SLC4A3: variants seen among roughly 807,000 people sequenced by gnomAD.
SLC4A3 encodes the protein solute carrier family 4 member 3.
In SLC4A3, 47 loss-of-function variants were observed where a neutral mutation model predicts 114.2. That is an observed-to-expected ratio of 0.41 (90% CI 0.33 to 0.52). The LOEUF is 0.52. Among genes scored for constraint, SLC4A3 ranks in the 20% least tolerant of loss-of-function variants. The pLI is 0.21. For missense variants in SLC4A3, 1,312 were observed against 1,668.3 expected (o/e 0.79, Z 3.72); for synonymous variants, 693 against 710.3 (o/e 0.98, Z 0.39).
chr2:219,634,694 G>A, intron 12 of SLC4A3, 90 bp downstream of exon 12: 2 of 1,360,946 alleles, frequency 1.5e-6, no homozygotes, highest in South Asian at 1.4e-5. Flanking sequence ...ATAGAGGCAA[G>A]GGTGCTAGAG....
In SLC4A3 at chr2:219,638,035, T is replaced by C; in HGVS notation, c.2767-129T>C. On this transcript the variant is annotated intron_variant, in intron 17 of 22. Coordinates refer to ENST00000358055, the MANE Select transcript of SLC4A3 (RefSeq NM_005070.4). This position sits in a 1 kb window ranked among gnomAD's most constrained non-coding sequence, Gnocchi z 7.5. The stretch of plus-strand genomic sequence containing the variant: ...CCAGGCTGCGCTGGCACCTGTGGGG[T>C]TGAGAGGCACGTGGGGGGCCTTCTG... 1 of 790,496 alleles carries C rather than the reference T, an allele frequency of 1.3e-6. No homozygotes were observed. The allele number at this position is 790,496 out of a possible 1,614,324, so 49.0% of individuals were successfully genotyped here. A position where few individuals can be genotyped will look rare whatever the true frequency, so the allele number is the denominator to read the frequency against.
rs1698883953 is a variant in SLC4A3, at chr2:219,630,589, C to T, written c.811+237C>T. On this transcript the variant is annotated intron_variant, in intron 6 of 22. Transcript: ENST00000358055. This position sits in a 1 kb window ranked among gnomAD's most constrained non-coding sequence, Gnocchi z 6.9. The stretch of plus-strand genomic sequence containing the variant: ...CACGCCTCAGTCCTGATTCTGTCCT[C>T]TGAGTCACCCCTAGAAAAAGGCAGC... Among the ~76,000 whole-genome samples the T allele has an allele frequency of 6.6e-6, 1 of 152,178 alleles. No homozygotes were observed. The highest frequency in any genetic ancestry group is 1.5e-5 in the Non-Finnish European group (1 of 68,030).
rs956070782 is a variant in SLC4A3, at chr2:219,630,767, C to G, written c.811+415C>G. On this transcript the variant is annotated intron_variant, in intron 6 of 22. Coordinates refer to ENST00000358055, the MANE Select transcript of SLC4A3 (RefSeq NM_005070.4). This position sits in a 1 kb window ranked among gnomAD's most constrained non-coding sequence, Gnocchi z 6.9. ...CTGTGTCAGGACCCTTCACTCCCAT[C>G]CCACTACCCTTGGGGGGGGCCTGGC... Among the ~76,000 whole-genome samples the G allele has an allele frequency of 1.3e-5, 2 of 152,156 alleles. No individual in the cohort carries two copies. The highest frequency in any genetic ancestry group is 1.9e-4 in the East Asian group (1 of 5,176).
Position 219,638,922 on chromosome 2 carries a change from C to T in SLC4A3, c.3023+53C>T. On this transcript the variant is annotated intron_variant, in intron 19 of 22. Transcript: ENST00000358055. The surrounding 1 kb of genome is among the most constrained non-coding windows in gnomAD (Gnocchi z 7.5). ...AGGGACGAGGCCAAGCTCCTTGGCTCCTTGGCTTGGTTTCAGGGTTATAGC... is the reference window on the plus strand; with the variant it reads ...AGGGACGAGGCCAAGCTCCTTGGCTTCTTGGCTTGGTTTCAGGGTTATAGC... 6.3e-7 allele frequency: 1 copy of T among 1,585,926 alleles called. No homozygotes were observed.
chr2:219,640,812 G>A lies in SLC4A3; in HGVS notation c.3471G>A (p.Leu1157=), dbSNP rs1490052485. The A allele has an allele frequency of 1.2e-6, 2 of 1,612,222 alleles. No homozygotes were observed. The highest frequency in any genetic ancestry group is 2.2e-5 in the South Asian group (2 of 91,024). ...AGGTGAAGACGTGGCGGATGCATCT[G>A]TTCACCTGCATCCAGCTGGGCTGCA... ...VTKVKTWRMH[L]FTCIQLGCIA... is the part of the protein sequence containing the mutation. Residue 1157 remains leucine, a synonymous_variant, in exon 22 of 23, where the codon CTG becomes CTA. Coordinates refer to ENST00000358055, the MANE Select transcript of SLC4A3 (RefSeq NM_005070.4).
At position 219,640,603 on chromosome 2, in the gene SLC4A3, G is replaced by T; in HGVS notation, c.3447+4G>T. On this transcript the variant is annotated splice_donor_region_variant and intron_variant, in intron 21 of 22. Coordinates refer to ENST00000358055, the MANE Select transcript of SLC4A3 (RefSeq NM_005070.4). ...TGAGCAGCCCTATGTGACCAAGGTA[G>T]GGCCGGGAAGCATGGGGGTAGGGCA... The T allele has an allele frequency of 1.2e-6, 2 of 1,613,524 alleles. No individual in the cohort carries two copies. Among genetic ancestry groups the T allele is most frequent in the Non-Finnish European group, 1.7e-6 (2 of 1,179,606 alleles).
chr2:219,638,609 A>G lies in SLC4A3; in HGVS notation c.2857-94A>G. 7.7e-7 allele frequency: 1 copy of G among 1,302,724 alleles called. No individual in the cohort carries two copies. Among genetic ancestry groups the G allele is most frequent in the Non-Finnish European group, 1.1e-6 (1 of 930,404 alleles). The allele number at this position is 1,302,724 out of a possible 1,614,324, so 80.7% of individuals were successfully genotyped here. ...ACCTGTTCACACCCCAGCTCCCTGAAGTCCTGGACTGGGGACGCAGCTTAG... is the reference window on the plus strand; with the variant it reads ...ACCTGTTCACACCCCAGCTCCCTGAGGTCCTGGACTGGGGACGCAGCTTAG... On this transcript the variant is annotated intron_variant, in intron 18 of 22. Transcript: ENST00000358055. This position sits in a 1 kb window ranked among gnomAD's most constrained non-coding sequence, Gnocchi z 7.5.
Position 219,638,820 on chromosome 2 carries a change from C to T in SLC4A3, c.2974C>T (p.Pro992Ser). ...GTGGATGATGGTGGCAGCCGCTGTT[C>T]CCGCCCTCCTCGTCCTCATCCTGAT... ...PPWMMVAAAV[P>S]ALLVLILIFM... Residue 992 changes from proline (P) to serine (S), a missense_variant, in exon 19 of 23, where the codon CCC becomes TCC. Physicochemically the swap from Pro to Ser is moderately conservative, Grantham distance 74 (BLOSUM62 -1). This residue lies in a region of SLC4A3 where 301 missense variants were observed against 460.7 expected (regional missense o/e 0.65). Transcript: ENST00000358055. The surrounding 1 kb of genome is among the most constrained non-coding windows in gnomAD (Gnocchi z 7.5). 6.2e-7 allele frequency: 1 copy of T among 1,614,146 alleles called. No individual in the cohort carries two copies. Among genetic ancestry groups the T allele is most frequent in the Non-Finnish European group, 8.5e-7 (1 of 1,180,032 alleles).
chr2:219,631,972 C>T lies in SLC4A3; in HGVS notation c.816C>T (p.His272=). The T allele has an allele frequency of 6.2e-7, 1 of 1,601,446 alleles. No homozygotes were observed. The highest frequency in any genetic ancestry group is 2.2e-5 in the East Asian group (1 of 44,646). The change falls in exon 7 of 23, where the codon CAC becomes CAT. Residue 272 remains histidine (H), a synonymous_variant. Coordinates refer to ENST00000358055, the MANE Select transcript of SLC4A3 (RefSeq NM_005070.4). This position sits in a 1 kb window ranked among gnomAD's most constrained non-coding sequence, Gnocchi z 6.3. ...GSADLDDMKS[H]RLEDNPGVRR... ...CCAAGCCCATCTTCTCTGCAGGTCA[C>T]CGACTGGAGGACAACCCTGGTGTGC...
In SLC4A3 at chr2:219,628,600, C is replaced by T. The variant is rs372722097; in HGVS notation, c.217+30C>T. 1.9e-5 allele frequency: 30 copies of T among 1,606,308 alleles called. No homozygotes were observed. The highest frequency in any genetic ancestry group is 1.8e-4 in the East Asian group (8 of 44,826). Reference sequence around the variant, plus strand: ...GTAGCCTGGGGACCCCTAGTGCGGCCGCCCTCGCCACCATCACCTTCATCG... The same window carrying T: ...GTAGCCTGGGGACCCCTAGTGCGGCTGCCCTCGCCACCATCACCTTCATCG... On this transcript the variant is annotated intron_variant, in intron 3 of 22. Transcript: ENST00000358055. This position sits in a 1 kb window ranked among gnomAD's most constrained non-coding sequence, Gnocchi z 4.8.
rs140021661 is a variant in SLC4A3, at chr2:219,632,072, C to T, written c.916C>T (p.Arg306Cys). The T allele has an allele frequency of 3.3e-5, 53 of 1,613,816 alleles. No homozygotes were observed. Among genetic ancestry groups the T allele is most frequent in the African/African-American group, 2.8e-4 (21 of 75,016 alleles). ...GSPSGLAPIL[R>C]RKKKKKKLDR... ...TCCCAGCGGCCTGGCCCCCATCCTTCGCAGGAAGAAGAAGAAGAAAAAGCT... is the reference window on the plus strand; with the variant it reads ...TCCCAGCGGCCTGGCCCCCATCCTTTGCAGGAAGAAGAAGAAGAAAAAGCT... Residue 306 changes from arginine to cysteine, a missense_variant, in exon 7 of 23, where the codon CGC becomes TGC. By Grantham distance (180) the Arg-to-Cys change is radical. Transcript: ENST00000358055.
At chr2:219,633,815 G>A in intron 10 of SLC4A3, 65 bp from the exon 11 acceptor site, 1 of 1,547,936 alleles carries the variant, frequency 6.5e-7, no homozygotes, top group Non-Finnish European at 8.7e-7. Context: ...CTGGAGCCAG[G>A]GCTGGGAGGG....
In SLC4A3 at chr2:219,637,333, GTA is replaced by G. The variant is rs1164489352; in HGVS notation, c.2536-246_2536-245del. On this transcript the variant is annotated intron_variant, in intron 16 of 22. Coordinates refer to ENST00000358055, the MANE Select transcript of SLC4A3 (RefSeq NM_005070.4). The surrounding 1 kb of genome is among the most constrained non-coding windows in gnomAD (Gnocchi z 4.6). ...TGTATGTATGTTGTGTGTGTGGTGTGTATGTGGTATGTTGTGTTTTTTTTGTG... is the reference window on the plus strand; with the variant it reads ...TGTATGTATGTTGTGTGTGTGGTGTGTGTGGTATGTTGTGTTTTTTTTGTG... 6.6e-6 allele frequency among the ~76,000 whole-genome samples: 1 copy of G among 151,500 alleles called. No homozygotes were observed. Among genetic ancestry groups the G allele is most frequent in the Non-Finnish European group, 1.5e-5 (1 of 67,862 alleles).
In SLC4A3 at chr2:219,630,189, T is replaced by A. The variant is rs1449337074; in HGVS notation, c.648T>A (p.Ala216=). Residue 216 remains alanine (A), a synonymous_variant, in exon 6 of 23, where the codon GCT becomes GCA. Coordinates refer to ENST00000358055, the MANE Select transcript of SLC4A3 (RefSeq NM_005070.4). This position sits in a 1 kb window ranked among gnomAD's most constrained non-coding sequence, Gnocchi z 6.9. ...PSPRARASRL[A]GEKSRPWSPS... is the part of the protein sequence containing the mutation. ...CCCGGGCCCGGGCCTCCCGACTCGC[T>A]GGGGAGAAAAGCCGGCCCTGGAGCC... 8 of 1,612,460 alleles carry A rather than the reference T, an allele frequency of 5.0e-6. No individual in the cohort carries two copies. The highest frequency in any genetic ancestry group is 5.1e-6 in the Non-Finnish European group (6 of 1,179,564).
Position 219,630,485 on chromosome 2 carries a change from G to A in SLC4A3, c.811+133G>A. ...TCTGAATCCCTGTCTGCTGGGATGT[G>A]GCCAGTGATGGGGACCTCACTACCT... On this transcript the variant is annotated intron_variant, in intron 6 of 22. Transcript: ENST00000358055. The surrounding 1 kb of genome is among the most constrained non-coding windows in gnomAD (Gnocchi z 6.9). 2.0e-6 allele frequency: 2 copies of A among 982,080 alleles called. No homozygotes were observed. Among genetic ancestry groups the A allele is most frequent in the East Asian group, 2.7e-5 (1 of 37,576 alleles). The allele number at this position is 982,080 out of a possible 1,614,324, so 60.8% of individuals were successfully genotyped here. A position where few individuals can be genotyped will look rare whatever the true frequency, so the allele number is the denominator to read the frequency against.
chr2:219,633,653 A>G (rs1170814889), intron 10 of SLC4A3, among the ~76,000 whole-genome samples, 196 bp downstream of exon 10: 1 of 152,256 alleles, frequency 6.6e-6, no homozygotes, highest in East Asian at 1.9e-4. Context: ...ATGATGTGGC[A>G]GACCCACAGG....
chr2:219,641,936 C>CT lies in SLC4A3; in HGVS notation c.*211dup. On this transcript the variant is annotated 3_prime_UTR_variant, in exon 23 of 23. Transcript: ENST00000358055. The surrounding 1 kb of genome is among the most constrained non-coding windows in gnomAD (Gnocchi z 4.0). ...CTTTCACAGACCAGACCGGCACAGG[C>CT]TTTGAGCTCATTATAACCACACTCC... 1 of 538,172 alleles carries CT rather than the reference C, an allele frequency of 1.9e-6. No individual in the cohort carries two copies. The highest frequency in any genetic ancestry group is 2.6e-5 in the South Asian group (1 of 38,398). 33.3% of individuals were successfully genotyped at this position (538,172 alleles called of 1,614,324 possible). A position where few individuals can be genotyped will look rare whatever the true frequency, so the allele number is the denominator to read the frequency against.
intron 3 of SLC4A3, 48 bp from the exon 4 acceptor site, chr2:219,629,096 C>T (rs755996709): frequency 2.0e-6 from 3 of 1,522,932 alleles, no homozygotes; most frequent in Non-Finnish European, 2.6e-6. Context: ...GTGGGGAGGG[C>T]CCCTGTTTCT....
Position 219,638,596 on chromosome 2 carries a change from C to A in SLC4A3, c.2857-107C>A, listed in dbSNP as rs1015962867. The A allele has an allele frequency of 1.1e-5, 13 of 1,181,800 alleles. No individual in the cohort carries two copies. The highest frequency in any genetic ancestry group is 2.8e-4 in the Middle Eastern group (1 of 3,564). The allele number at this position is 1,181,800 out of a possible 1,614,324, so 73.2% of individuals were successfully genotyped here. A position where few individuals can be genotyped will look rare whatever the true frequency, so the allele number is the denominator to read the frequency against. On this transcript the variant is annotated intron_variant, in intron 18 of 22. Coordinates refer to ENST00000358055, the MANE Select transcript of SLC4A3 (RefSeq NM_005070.4). This position sits in a 1 kb window ranked among gnomAD's most constrained non-coding sequence, Gnocchi z 7.5. ...TAATTTTCCCCTGACCTGTTCACAC[C>A]CCAGCTCCCTGAAGTCCTGGACTGG...
Sources: gnomAD v4.1 joint callset for allele counts (sites outside exome capture counted in the v4.1 genomes callset) on GRCh38, gnomAD v4.1.1 for gene constraint, gnomAD v4.1.1 regional missense constraint, Gnocchi (gnomAD v3.1) non-coding constraint, MANE v1.5 for transcripts, NCBI Gene and HGNC (gene_info 2026-07-23, HGNC 2026-07-21) for gene names.